The following BTBD1 variants were observed in gnomAD, a reference collection of about 807,000 sequenced individuals.
BTBD1 encodes BTB/POZ domain-containing protein 1.
Under a neutral mutation model 48.0 loss-of-function variants are expected in BTBD1, and 34 were observed. The ratio of observed to expected loss-of-function variants is 0.71; its 90% confidence interval spans 0.54 to 0.94. The LOEUF (loss-of-function observed/expected upper bound fraction) is 0.94. BTBD1 is among the 40% of genes least tolerant of loss of function. The pLI, the probability that BTBD1 is intolerant of heterozygous loss-of-function variation, is 0.00. For synonymous variants in BTBD1, 261 were observed against 242.1 expected (o/e 1.08, Z -0.72); for missense variants, 543 against 625.6 (o/e 0.87, Z 1.41).
At chr15:83,046,245 AAATAAT>A (rs561955542) in intron 3 of BTBD1, among the ~76,000 whole-genome samples, 2 of 152,160 alleles carry the variant, frequency 1.3e-5, no homozygotes, top group Non-Finnish European at 2.9e-5. Flanking sequence ...AAAAAAACAA[AAATAAT>A]AATAATAACT....
At position 83,051,903 on chromosome 15, in the gene BTBD1, C is replaced by CACACACACACACACAT. The variant is rs1405843210; in HGVS notation, c.559-1726_559-1725insATGTGTGTGTGTGTGT. Among the ~76,000 whole-genome samples, 41 of 151,420 alleles carry CACACACACACACACAT rather than the reference C, an allele frequency of 2.7e-4. 1 individual carries two copies. In the East Asian group the frequency reaches 7.9e-3, roughly 29 times the overall value. On this transcript the variant is annotated intron_variant, in intron 2 of 7. Coordinates refer to ENST00000261721, the MANE Select transcript of BTBD1 (RefSeq NM_025238.4). Reference sequence around the variant, plus strand: ...ACACACACACACACACACACACACACATCTATCTGGGAGGAGAGACTAAAC... The same window carrying CACACACACACACACAT: ...ACACACACACACACACACACACACACACACACACACACACATATCTATCTGGGAGGAGAGACTAAAC...
rs746798947 is a variant in BTBD1 at position 83,066,902 on chromosome 15, C to A, written c.250G>T (p.Ala84Ser). The change falls in exon 1 of 8, where the codon GCT (alanine) becomes TCT (serine). Residue 84 changes from alanine to serine, a missense_variant. Physicochemically the swap from Ala to Ser is moderately conservative, Grantham distance 99. Transcript: ENST00000261721. Reference sequence around the variant, plus strand: ...GCGGGGATGCGCTGCGGGCCCCCAGCGGCGGCGGCGCCGCGACCCTTGCCC... The same window carrying A: ...GCGGGGATGCGCTGCGGGCCCCCAGAGGCGGCGGCGCCGCGACCCTTGCCC... ...VLGKGRGAAA[A>S]GGPQRIPAHR... 5 of 1,513,056 alleles carry A rather than the reference C, an allele frequency of 3.3e-6. No individual in the cohort carries two copies. The South Asian group carries it at 3.8e-5, about 11-fold the overall frequency. 93.7% of individuals were successfully genotyped at this position (1,513,056 alleles called of 1,614,324 possible).
chr15:83,050,173 T>C lies in BTBD1; in HGVS notation c.564A>G (p.Arg188=). The C allele has an allele frequency of 6.2e-7, 1 of 1,609,596 alleles. No individual in the cohort carries two copies. Among genetic ancestry groups the C allele is most frequent in the South Asian group, 1.1e-5 (1 of 90,902 alleles). Residue 188 remains arginine (R), a synonymous_variant, in exon 3 of 8, where the codon CGA becomes CGG. Transcript: ENST00000261721. ...TAGCAAGCTGAGGTTCATCAAATAA[T>C]CGAGCCTAAACATATAAAGAGATAG... ...DNAFMLLTQA[R]LFDEPQLASL... is the part of the protein sequence containing the mutation.
In BTBD1 at chr15:83,066,771, T is replaced by C; in HGVS notation, c.381A>G (p.Ala127=). The C allele has an allele frequency of 7.0e-7, 1 of 1,421,424 alleles. No individual in the cohort carries two copies. Among genetic ancestry groups the C allele is most frequent in the Non-Finnish European group, 9.1e-7 (1 of 1,093,296 alleles). 88.1% of individuals were successfully genotyped at this position (1,421,424 alleles called of 1,614,324 possible). ...AEIELPDVEP[A]AFLALLRFLY... ...CTCACCTCAGCAGCGCCAGGAAGGC[T>C]GCGGGCTCCACGTCCGGCAGCTCGA... is the stretch of plus-strand genomic sequence containing the variant. Residue 127 remains alanine, a synonymous_variant, in exon 1 of 8, where the codon GCA becomes GCG. Transcript: ENST00000261721.
chr15:83,051,848 C>G (rs1030837713), intron 2 of BTBD1, among the ~76,000 whole-genome samples: 1 of 107,788 alleles, frequency 9.3e-6, no homozygotes, highest in Admixed American at 9.5e-5. Context: ...AACATTTTGC[C>G]TCATTTATTA....
At position 83,056,342 on chromosome 15, in the gene BTBD1, T is replaced by C. The variant is rs751466197; in HGVS notation, c.558+47A>G. On this transcript the variant is annotated intron_variant, in intron 2 of 7. Transcript: ENST00000261721. ...TATTAAATGCCCATATATAGTTTACTCAATTTTAAAACTACAATGATACAT... is the reference window on the plus strand; with the variant it reads ...TATTAAATGCCCATATATAGTTTACCCAATTTTAAAACTACAATGATACAT... 2.2e-6 allele frequency: 3 copies of C among 1,378,042 alleles called. No homozygotes were observed. In the East Asian group the frequency reaches 6.9e-5, roughly 32 times the overall value. The allele number at this position is 1,378,042 out of a possible 1,614,324, so 85.4% of individuals were successfully genotyped here.
At chr15:83,027,659 A>G (rs1157373880) in intron 5 of BTBD1, among the ~76,000 whole-genome samples, 1 of 152,220 alleles carries the variant, frequency 6.6e-6, no homozygotes, top group Admixed American at 6.5e-5. Flanking sequence ...CGATTAAGAA[A>G]GTGCCCCGAA....
intron 1 of BTBD1, among the ~76,000 whole-genome samples, chr15:83,059,387 A>G (rs2033141523): frequency 6.6e-6 from 1 of 152,052 alleles, no homozygotes; most frequent in Non-Finnish European, 1.5e-5. Flanking sequence ...CTCTACTAAA[A>G]ACACAAAAAT....
At chr15:83,039,984 GACACACACACACACACACAC>G (rs34590396) in intron 4 of BTBD1, among the ~76,000 whole-genome samples, 2 of 146,116 alleles carry the variant, frequency 1.4e-5, no homozygotes, top group African/African-American at 2.5e-5. Context: ...TAGAGAATGT[GACACACACACACACACACAC>G]ACACACACAC....
Position 83,066,990 on chromosome 15 carries a change from C to A in BTBD1, c.162G>T (p.Ser54=). ...AGAGGAAGGCGAAGCGCTCCTTCAG[C>A]GACGCCTTGGTCGCCTGCCAGTTGT... The part of the protein sequence containing the change: ...PLYNWQATKA[S]LKERFAFLFN... Residue 54 remains serine (S), a synonymous_variant, in exon 1 of 8, where the codon TCG becomes TCT. Transcript: ENST00000261721. 6.3e-7 allele frequency: 1 copy of A among 1,585,146 alleles called. No homozygotes were observed. The highest frequency in any genetic ancestry group is 1.1e-5 in the South Asian group (1 of 88,788).
intron 1 of BTBD1, among the ~76,000 whole-genome samples, chr15:83,065,093 A>C (rs192722442): frequency 4.9e-4 from 75 of 152,234 alleles, no homozygotes; most frequent in African/African-American, 1.5e-3. Context: ...ATTATATCTC[A>C]TCAAGTGAAC....
In BTBD1 at chr15:83,050,798, C is replaced by G. The variant is rs1304886767; in HGVS notation, c.559-620G>C. ...AGGTCTAACAACACAAGAACAAATACATAAAATTCACATGACGGAATATTA... is the reference window on the plus strand; with the variant it reads ...AGGTCTAACAACACAAGAACAAATAGATAAAATTCACATGACGGAATATTA... On this transcript the variant is annotated intron_variant, in intron 2 of 7. Transcript: ENST00000261721. Among the ~76,000 whole-genome samples, 2 of 152,012 alleles carry G rather than the reference C, an allele frequency of 1.3e-5. 1 individual carries two copies. The highest frequency in any genetic ancestry group is 4.1e-4 in the South Asian group (2 of 4,826).
At chr15:83,031,298 A>G (rs772394861) in intron 4 of BTBD1, among the ~76,000 whole-genome samples, 48 of 152,158 alleles carry the variant, frequency 3.2e-4, no homozygotes, top group Non-Finnish European at 5.4e-4. Flanking sequence ...GCACTTTTTC[A>G]TGTGTCTGTT....
rs767350968 is a variant in BTBD1 at position 83,056,369 on chromosome 15, C to T, written c.558+20G>A. 6.3e-6 allele frequency: 10 copies of T among 1,586,578 alleles called. No homozygotes were observed. The Admixed American group carries it at 1.5e-4, about 24-fold the overall frequency. ...AATTTTAAAACTACAATGATACATA[C>T]CTTAGCTACATTTACTTACCTGAGT... On this transcript the variant is annotated intron_variant, in intron 2 of 7. Coordinates refer to ENST00000261721, the MANE Select transcript of BTBD1 (RefSeq NM_025238.4).
chr15:83,031,329 T>C (rs1269369848), intron 4 of BTBD1, among the ~76,000 whole-genome samples: 1 of 152,196 alleles, frequency 6.6e-6, no homozygotes, highest in Non-Finnish European at 1.5e-5. Flanking sequence ...ATGTCTTCTT[T>C]TGAGAAGTGT....
chr15:83,054,133 G>GT (rs1171559440), intron 2 of BTBD1, among the ~76,000 whole-genome samples: 1 of 152,216 alleles, frequency 6.6e-6, no homozygotes, highest in East Asian at 1.9e-4. Flanking sequence ...GAGGTCAGGA[G>GT]TTTGAGACCA....
At chr15:83,054,565 T>TTC (rs1469100151) in intron 2 of BTBD1, among the ~76,000 whole-genome samples, 2 of 146,454 alleles carry the variant, frequency 1.4e-5, no homozygotes, top group African/African-American at 5.0e-5. Flanking sequence ...CATTTTTTCT[T>TTC]TTTTTTTTTT....
In BTBD1 at chr15:83,067,051, A is replaced by C; in HGVS notation, c.101T>G (p.Leu34Arg). 6.3e-7 allele frequency: 1 copy of C among 1,579,020 alleles called. No individual in the cohort carries two copies. The highest frequency in any genetic ancestry group is 8.6e-7 in the Non-Finnish European group (1 of 1,165,246). ...CCGCTGCAGGGGGAGCAGGGGCCCC[A>C]GAGAGGACGGTGAGGGCGGCGGCGG... is the stretch of plus-strand genomic sequence containing the variant. ...GPPPPPSPSS[L>R]GPLLPLQREP... Residue 34 changes from leucine to arginine, a missense_variant, in exon 1 of 8, where the codon CTG (leucine) becomes CGG (arginine). Physicochemically the swap from Leu to Arg is moderately radical, Grantham distance 102. Transcript: ENST00000261721.
At chr15:83,018,953 G>C in intron 6 of BTBD1, 100 bp from the exon 7 acceptor site, 1 of 391,880 alleles carries the variant, frequency 2.6e-6, no homozygotes, top group Non-Finnish European at 3.7e-6. Flanking sequence ...TGTGTGTTTT[G>C]AGACAGACTC....
Sources: gnomAD v4.1 joint callset for allele counts (sites outside exome capture counted in the v4.1 genomes callset) on GRCh38, gnomAD v4.1.1 for gene constraint, MANE v1.5 for transcripts, NCBI Gene and HGNC (gene_info 2026-07-23, HGNC 2026-07-21) for gene names.